The following PCM1 variants were observed in gnomAD, a reference collection of about 807,000 sequenced individuals.
The protein encoded by PCM1 is pericentriolar material 1 protein.
PCM1 carries 157 observed loss-of-function variants against 241.9 expected under a neutral mutation model. The ratio of observed to expected loss-of-function variants is 0.65; its 90% CI spans 0.57 to 0.74. PCM1 has a LOEUF of 0.74. PCM1 is among the 30% of genes least tolerant of loss of function. PCM1 has a pLI of 0.00. For missense variants in PCM1, 3,478 were observed against 2,360.1 expected (o/e 1.47, Z -9.81); for synonymous variants, 1,085 against 784.9 (o/e 1.38, Z -6.39).
At position 18,009,744 on chromosome 8, in the gene PCM1, G is replaced by A. The variant is rs1218301375; in HGVS notation, c.5160G>A (p.Glu1720=). 8 of 1,416,228 alleles carry A rather than the reference G, an allele frequency of 5.6e-6. No homozygotes were observed. The highest frequency in any genetic ancestry group is 2.5e-5 in the East Asian group (1 of 40,370). The allele number at this position is 1,416,228 out of a possible 1,614,324, so 87.7% of individuals were successfully genotyped here. ...GAGTGATACAATCTTGTGCCAAAGA[G>A]GTAAATAACGTTCATTTTGATTTTT... ...ATGVIQSCAK[E]AKRILEDHGS... Residue 1720 remains glutamate, a splice_region_variant and synonymous_variant, in exon 31 of 39, where the codon GAG becomes GAA. Coordinates refer to ENST00000325083, the MANE Select transcript of PCM1 (RefSeq NM_006197.4).
chr8:17,927,193 C>CTT (rs563082349), intron 2 of PCM1: 47 of 136,822 alleles, frequency 3.4e-4, no homozygotes, highest in African/African-American at 1.3e-3. Flanking sequence ...GTGGCATTAT[C>CTT]TTGGCTTACT....
chr8:17,947,132 C>A, intron 6 of PCM1, 54 bp from the exon 7 acceptor site: 1 of 1,164,788 alleles, frequency 8.6e-7, no homozygotes, highest in Non-Finnish European at 1.2e-6. Context: ...ATAATTGAAA[C>A]CGCAACATGG....
At chr8:17,977,713 A>G (rs145475032) in intron 23 of PCM1, among the ~76,000 whole-genome samples, 1 of 152,178 alleles carries the variant, frequency 6.6e-6, no homozygotes, top group Non-Finnish European at 1.5e-5. Flanking sequence ...TTAACCCTGT[A>G]CATGGGAGAG....
At position 18,014,711 on chromosome 8, in the gene PCM1, G is replaced by C; in HGVS notation, c.5712G>C (p.Leu1904Phe). The C allele has an allele frequency of 6.2e-7, 1 of 1,613,632 alleles. No individual in the cohort carries two copies. The highest frequency in any genetic ancestry group is 8.5e-7 in the Non-Finnish European group (1 of 1,179,830). The change falls in exon 36 of 39, where the codon TTG (leucine) becomes TTC (phenylalanine). Residue 1904 changes from leucine (L) to phenylalanine (F), a missense_variant. Physicochemically the swap from Leu to Phe is conservative, Grantham distance 22. Transcript: ENST00000325083. ...TVDSTQQPNP[L>F]PLRLPEMEPL... ...ATTCAACTCAACAGCCTAACCCTTT[G>C]CCGTTACGTTTACCTGAAATGGAAC...
At position 17,939,840 on chromosome 8, in the gene PCM1, G is replaced by A. The variant is rs1476449465; in HGVS notation, c.762G>A (p.Met254Ile). Residue 254 changes from methionine to isoleucine, a missense_variant, in exon 6 of 39, where the codon ATG becomes ATA. Physicochemically the swap from Met to Ile is conservative, Grantham distance 10. Coordinates refer to ENST00000325083, the MANE Select transcript of PCM1 (RefSeq NM_006197.4). ...TTAAAGAACAAGAGAAGTCATATAT[G>A]AAATTTCTTAAAAAAATCCTTGTAA... ...DHLKEQEKSY[M>I]KFLKKILARD... is the part of the protein sequence containing the mutation. The A allele has an allele frequency of 3.3e-6, 5 of 1,506,530 alleles. No homozygotes were observed. The highest frequency in any genetic ancestry group is 1.4e-5 in the African/African-American group (1 of 71,458). The allele number at this position is 1,506,530 out of a possible 1,614,324, so 93.3% of individuals were successfully genotyped here. A position where few individuals can be genotyped will look rare whatever the true frequency, so the allele number is the denominator to read the frequency against.
chr8:18,022,983 A>T (rs1226723614), intron 36 of PCM1, among the ~76,000 whole-genome samples: 1 of 152,106 alleles, frequency 6.6e-6, no homozygotes, highest in Non-Finnish European at 1.5e-5. Flanking sequence ...TAATACATAG[A>T]AGTGTTTTTT....
At chr8:17,941,917 T>C (rs2062190526) in intron 6 of PCM1, among the ~76,000 whole-genome samples, 1 of 152,218 alleles carries the variant, frequency 6.6e-6, no homozygotes, top group South Asian at 2.1e-4. Context: ...TTTGCTTTTC[T>C]GTTGTTGCTA....
At chr8:18,007,913 T>C (rs746813947) in intron 30 of PCM1, among the ~76,000 whole-genome samples, 4 of 152,160 alleles carry the variant, frequency 2.6e-5, no homozygotes, top group Non-Finnish European at 4.4e-5. Flanking sequence ...GTCCATATTT[T>C]AGAAGGAAAA....
At chr8:17,956,910 G>A (rs1354150150) in intron 11 of PCM1, 133 bp downstream of exon 11, 6 of 720,010 alleles carry the variant, frequency 8.3e-6, no homozygotes, top group Non-Finnish European at 1.4e-5. Context: ...TTTGGTCAGT[G>A]TAATCATCTC....
At position 17,980,592 on chromosome 8, in the gene PCM1, G is replaced by C. The variant is rs1002256580; in HGVS notation, c.3945G>C (p.Arg1315Ser). The change falls in exon 24 of 39, where the codon AGG becomes AGC. Residue 1315 changes from arginine to serine, a missense_variant and splice_region_variant. Arg to Ser is a moderately radical substitution (Grantham distance 110, BLOSUM62 -1). Coordinates refer to ENST00000325083, the MANE Select transcript of PCM1 (RefSeq NM_006197.4). ...TQLKSRVKNIRYESASMSSTC... is the reference protein window; with the variant it reads ...TQLKSRVKNISYESASMSSTC... ...CAGTTGTCACTTTTTTTACTCAAGG[G>C]TATGAAAGTGCCAGTATGTCTAGCA... 5.1e-6 allele frequency: 8 copies of C among 1,582,714 alleles called. No individual in the cohort carries two copies. Among genetic ancestry groups the C allele is most frequent in the Non-Finnish European group, 6.9e-6 (8 of 1,167,702 alleles).
At chr8:17,993,705 A>G (rs967175343) in intron 29 of PCM1, 86 bp downstream of exon 29, 14 of 1,150,288 alleles carry the variant, frequency 1.2e-5, no homozygotes, top group Admixed American at 2.8e-5. Flanking sequence ...ATAAAGTTCA[A>G]CGGTATAGGT....
rs2094397482 is a variant in PCM1, at chr8:18,029,180, AAAG to A, written c.*1519_*1521del. 2 of 189,306 alleles carry A rather than the reference AAAG, an allele frequency of 1.1e-5. No individual in the cohort carries two copies. The allele number at this position is 189,306 out of a possible 1,614,324, so 11.7% of individuals were successfully genotyped here. Reference sequence around the variant, plus strand: ...TCAAAAAAAAAAAAAAAAAAAAAAAAAAGTTAACTTGCTGTATACCTCAGTGTA... The same window carrying A: ...TCAAAAAAAAAAAAAAAAAAAAAAAATTAACTTGCTGTATACCTCAGTGTA... On this transcript the variant is annotated 3_prime_UTR_variant, in exon 39 of 39. Coordinates refer to ENST00000325083, the MANE Select transcript of PCM1 (RefSeq NM_006197.4).
intron 38 of PCM1, among the ~76,000 whole-genome samples, chr8:18,025,965 C>T (rs983735897): frequency 6.6e-6 from 1 of 151,596 alleles, no homozygotes; most frequent in African/African-American, 2.4e-5. Context: ...GAGATGGAGA[C>T]CATCCTGGCT....
At chr8:17,935,830 C>T in intron 3 of PCM1, 124 bp downstream of exon 3, 1 of 519,578 alleles carries the variant, frequency 1.9e-6, no homozygotes, top group Non-Finnish European at 3.5e-6. Context: ...CATTAAGGGA[C>T]CCTGGGCCGT....
At position 17,950,607 on chromosome 8, in the gene PCM1, C is replaced by G. The variant is rs951088175; in HGVS notation, c.962-8C>G. On this transcript the variant is annotated splice_region_variant and splice_polypyrimidine_tract_variant and intron_variant, in intron 7 of 38. Transcript: ENST00000325083. ...TACATTAATCAGTAGTTACTAATTT[C>G]TTTCCAGTTGTTGCAGAAACTGCAG... is the stretch of plus-strand genomic sequence containing the variant. The G allele has an allele frequency of 6.8e-7, 1 of 1,464,064 alleles. No individual in the cohort carries two copies. Among genetic ancestry groups the G allele is most frequent in the South Asian group, 1.2e-5 (1 of 84,844 alleles). The allele number at this position is 1,464,064 out of a possible 1,614,324, so 90.7% of individuals were successfully genotyped here.
chr8:17,996,770 TAAAC>T (rs1283894736), intron 29 of PCM1, among the ~76,000 whole-genome samples: 2 of 152,202 alleles, frequency 1.3e-5, no homozygotes, highest in Admixed American at 1.3e-4. Context: ...ACTGATTGCA[TAAAC>T]AAACAAGCAA....
chr8:17,966,620 C>T, intron 20 of PCM1, 147 bp downstream of exon 20: 1 of 639,446 alleles, frequency 1.6e-6, no homozygotes, highest in Non-Finnish European at 2.6e-6. Flanking sequence ...TGGTGATTTA[C>T]CTAATGTTTC....
intron 23 of PCM1, among the ~76,000 whole-genome samples, chr8:17,974,834 G>A (rs1438612208): frequency 6.7e-6 from 1 of 150,124 alleles, no homozygotes; most frequent in Non-Finnish European, 1.5e-5. Flanking sequence ...AAGACCATCT[G>A]TCAGTGAGTG....
At chr8:17,966,292 C>A (rs1351652208) in intron 19 of PCM1, 36 bp from the exon 20 acceptor site, 1 of 1,609,754 alleles carries the variant, frequency 6.2e-7, no homozygotes, top group African/African-American at 1.3e-5. Flanking sequence ...TTTCTCAAGT[C>A]ATCAGTAACT....
Sources: gnomAD v4.1 joint callset for allele counts (sites outside exome capture counted in the v4.1 genomes callset) on GRCh38, gnomAD v4.1.1 for gene constraint, MANE v1.5 for transcripts, NCBI Gene and HGNC (gene_info 2026-07-23, HGNC 2026-07-21) for gene names.